The following CNTNAP2 variants were observed in gnomAD, a reference collection of about 807,000 sequenced individuals.
The protein encoded by CNTNAP2 is contactin associated protein 2, also known as contactin-associated protein-like 2.
CNTNAP2 carries 98 observed loss-of-function variants against 155.2 expected under a neutral mutation model. That is an observed-to-expected ratio of 0.63 (90% confidence interval 0.54 to 0.75). The LOEUF is 0.75. Ranked by LOEUF, CNTNAP2 falls within the 30% of genes least tolerant of loss-of-function variation. CNTNAP2 has a pLI of 0.00. For synonymous variants in CNTNAP2, 651 were observed against 631.2 expected (o/e 1.03, Z -0.47); for missense variants, 1,727 against 1,688.1 (o/e 1.02, Z -0.40).
At chr7:148,323,646 A>C (rs1797839001) in intron 21 of CNTNAP2, among the ~76,000 whole-genome samples, 1 of 152,160 alleles carries the variant, frequency 6.6e-6, no homozygotes, top group African/African-American at 2.4e-5. Context: ...GTATGTGAAT[A>C]GTTTTCAATC....
At chr7:147,504,575 A>G (rs7781659) in intron 11 of CNTNAP2, among the ~76,000 whole-genome samples, 73,166 of 150,306 alleles carry the variant, frequency 0.49, 18,579 homozygotes, top group Non-Finnish European at 0.57. Context: ...TGTAATCCCA[A>G]ATACTCGGGA....
At chr7:146,836,106 G>C (rs1230962041) in intron 2 of CNTNAP2, among the ~76,000 whole-genome samples, 4 of 152,112 alleles carry the variant, frequency 2.6e-5, no homozygotes, top group African/African-American at 9.7e-5. Context: ...AAACTGAGAA[G>C]TAGTTACATC....
chr7:147,546,192 G>C (rs1307348637), intron 11 of CNTNAP2, among the ~76,000 whole-genome samples: 1 of 151,908 alleles, frequency 6.6e-6, no homozygotes, highest in Non-Finnish European at 1.5e-5. Flanking sequence ...ATGGTGGGAG[G>C]GCCCTGACAA....
chr7:146,912,586 G>A (rs2129217518), intron 3 of CNTNAP2, among the ~76,000 whole-genome samples: 1 of 152,142 alleles, frequency 6.6e-6, no homozygotes, highest in Admixed American at 6.5e-5. Context: ...TACCTGTAGT[G>A]CTAAGACCAT....
intron 12 of CNTNAP2, among the ~76,000 whole-genome samples, chr7:147,605,040 A>G (rs2116867080): frequency 6.6e-6 from 1 of 152,190 alleles, no homozygotes; most frequent in Non-Finnish European, 1.5e-5. Flanking sequence ...TCAGGAAACT[A>G]AGGCCTTGAT....
At chr7:147,067,618 A>G (rs1799807156) in intron 4 of CNTNAP2, among the ~76,000 whole-genome samples, 1 of 152,188 alleles carries the variant, frequency 6.6e-6, no homozygotes. Context: ...AGATAATCTG[A>G]ACTGTCCCTA....
At chr7:147,299,399 T>A (rs143202524) in intron 8 of CNTNAP2, among the ~76,000 whole-genome samples, 85 of 151,870 alleles carry the variant, frequency 5.6e-4, no homozygotes, top group African/African-American at 1.8e-3. Context: ...TGAAGTGCCA[T>A]TGTTGGGGAT....
intron 4 of CNTNAP2, among the ~76,000 whole-genome samples, chr7:147,083,972 G>A (rs1563070692): frequency 3.0e-5 from 4 of 134,114 alleles, no homozygotes; most frequent in East Asian, 4.4e-4. Flanking sequence ...TTATATATGT[G>A]TATACACATA....
intron 1 of CNTNAP2, among the ~76,000 whole-genome samples, chr7:146,685,123 A>G (rs1325737644): frequency 6.6e-6 from 1 of 152,186 alleles, no homozygotes; most frequent in African/African-American, 2.4e-5. Context: ...AAATTAAGGT[A>G]TAGGGATTAC....
chr7:146,978,065 G>A (rs1388589707), intron 3 of CNTNAP2, among the ~76,000 whole-genome samples: 1 of 152,162 alleles, frequency 6.6e-6, no homozygotes, highest in Non-Finnish European at 1.5e-5. Flanking sequence ...CCTGTAGAAT[G>A]ATACCCTAGA....
intron 15 of CNTNAP2, among the ~76,000 whole-genome samples, chr7:148,009,976 G>A (rs1421298995): frequency 6.6e-6 from 1 of 152,006 alleles, no homozygotes; most frequent in Non-Finnish European, 1.5e-5. Context: ...TAGGTGTGGA[G>A]TTATTCAGTT....
chr7:147,378,894 A>T (rs1584911946), intron 9 of CNTNAP2, among the ~76,000 whole-genome samples: 5 of 152,042 alleles, frequency 3.3e-5, no homozygotes, highest in Admixed American at 3.3e-4. Flanking sequence ...GTTCCCACCC[A>T]AATCTCATCT....
intron 8 of CNTNAP2, among the ~76,000 whole-genome samples, chr7:147,252,330 A>G (rs1218361755): frequency 2.6e-5 from 4 of 152,176 alleles, no homozygotes; most frequent in Admixed American, 6.5e-5. Context: ...TTATCAGAAA[A>G]TTGCTCAAGT....
intron 1 of CNTNAP2, among the ~76,000 whole-genome samples, chr7:146,745,583 A>C (rs879898761): frequency 6.6e-6 from 1 of 152,090 alleles, no homozygotes; most frequent in African/African-American, 2.4e-5. Context: ...CCTGGCCAAC[A>C]TGATGAAACC....
chr7:147,201,086 T>A (rs1485035257), intron 8 of CNTNAP2, among the ~76,000 whole-genome samples: 1 of 152,194 alleles, frequency 6.6e-6, no homozygotes, highest in African/African-American at 2.4e-5. Context: ...AAAGCCTAAT[T>A]CTAACATGAT....
intron 22 of CNTNAP2, among the ~76,000 whole-genome samples, chr7:148,406,094 T>C (rs1160507015): frequency 1.3e-5 from 2 of 151,602 alleles, no homozygotes; most frequent in Admixed American, 1.3e-4. Context: ...TAGCCGGGCA[T>C]GTTGGCGGGC....
intron 13 of CNTNAP2, among the ~76,000 whole-genome samples, chr7:147,713,047 A>G (rs774853059): frequency 2.6e-5 from 4 of 152,084 alleles, no homozygotes; most frequent in Non-Finnish European, 4.4e-5. Context: ...TCCGCAACCA[A>G]TTACATGCTA....
intron 1 of CNTNAP2, among the ~76,000 whole-genome samples, chr7:146,170,564 A>G (rs926587433): frequency 3.3e-5 from 5 of 152,146 alleles, no homozygotes; most frequent in East Asian, 1.9e-4. Flanking sequence ...ATTTTTAAAT[A>G]TGGTTTTTGT....
intron 8 of CNTNAP2, among the ~76,000 whole-genome samples, chr7:147,150,735 C>T (rs1801809265): frequency 6.6e-6 from 1 of 152,132 alleles, no homozygotes; most frequent in Non-Finnish European, 1.5e-5. Context: ...CCTCCCCACT[C>T]CTTATGAGAA....
Sources: allele counts gnomAD v4.1 joint callset (sites outside exome capture counted in the v4.1 genomes callset), GRCh38; gene constraint gnomAD v4.1.1; transcripts MANE v1.5; gene names NCBI Gene and HGNC (gene_info 2026-07-23, HGNC 2026-07-21).